Variants in UTS2B observed in about 807,000 individuals in gnomAD.
UTS2B encodes urotensin-2B.
Under a neutral mutation model 19.2 loss-of-function variants are expected in UTS2B, and 21 were observed. That is an observed-to-expected ratio of 1.09 (90% CI 0.78 to 1.58). UTS2B has a LOEUF of 1.58. UTS2B is among the 40% of genes most tolerant of loss of function. The pLI, the probability that UTS2B is intolerant of heterozygous loss-of-function variation, is 0.00. For synonymous variants in UTS2B, 57 were observed against 50.2 expected (o/e 1.14, Z -0.58); for missense variants, 138 against 130.3 (o/e 1.06, Z -0.29).
chr3:191,323,045 T>C (rs1013023439), intron 2 of UTS2B, among the ~76,000 whole-genome samples: 1 of 152,166 alleles, frequency 6.6e-6, no homozygotes, highest in African/African-American at 2.4e-5. Flanking sequence ...CTATCCAGAG[T>C]CCAAATGAAG....
At chr3:191,292,893 C>G (rs112830287) in intron 4 of UTS2B, among the ~76,000 whole-genome samples, 1 of 151,564 alleles carries the variant, frequency 6.6e-6, no homozygotes, top group African/African-American at 2.4e-5. Context: ...ATGCCTTTTC[C>G]CCTCTATTGA....
At chr3:191,339,269 A>G in the UTS2B span, among the ~76,000 whole-genome samples, 2 of 152,202 alleles carry the variant, frequency 1.3e-5, no homozygotes, top group African/African-American at 4.8e-5. Context: ...GGTCTCTTTC[A>G]GGTTCATATG....
the UTS2B span, among the ~76,000 whole-genome samples, chr3:191,344,524 A>G: frequency 6.6e-6 from 1 of 152,196 alleles, no homozygotes; most frequent in Admixed American, 6.5e-5. Context: ...ACGATGTTGG[A>G]TCGATAGAAC....
the UTS2B span, among the ~76,000 whole-genome samples, chr3:191,341,137 G>C: frequency 5.3e-5 from 8 of 152,116 alleles, no homozygotes; most frequent in Admixed American, 4.6e-4. Context: ...GTAAATTGCA[G>C]CACAGATTCT....
Position 191,330,525 on chromosome 3 carries a change from A to G in UTS2B, c.-776T>C, listed in dbSNP as rs1382558574. 1 of 152,020 alleles carries G rather than the reference A, an allele frequency of 6.6e-6. No individual in the cohort carries two copies. The highest frequency in any genetic ancestry group is 2.4e-5 in the African/African-American group (1 of 41,370). The allele number at this position is 152,020 out of a possible 1,614,324, so 9.4% of individuals were successfully genotyped here. A position where few individuals can be genotyped will look rare whatever the true frequency, so the allele number is the denominator to read the frequency against. ...GAGATCTTAGGTGCTGGATCGCCTT[A>G]TGCCTTGAGTTATCTTTGTTTATTC... On this transcript the variant is annotated 5_prime_UTR_variant, in exon 1 of 9. Coordinates refer to ENST00000340524, the MANE Select transcript of UTS2B (RefSeq NM_198152.5).
At chr3:191,306,238 A>G (rs1717136672) in intron 3 of UTS2B, among the ~76,000 whole-genome samples, 1 of 152,208 alleles carries the variant, frequency 6.6e-6, no homozygotes, top group Non-Finnish European at 1.5e-5. Flanking sequence ...ATAGTATTGA[A>G]TGTATACATT....
chr3:191,323,757 A>C (rs952721248), intron 2 of UTS2B, among the ~76,000 whole-genome samples: 1 of 152,220 alleles, frequency 6.6e-6, no homozygotes, highest in Non-Finnish European at 1.5e-5. Context: ...GTATAGGGTC[A>C]AGTGAGAGGC....
chr3:191,343,829 G>T, the UTS2B span, among the ~76,000 whole-genome samples: 5 of 152,304 alleles, frequency 3.3e-5, no homozygotes, highest in Non-Finnish European at 4.4e-5. Context: ...AGTACCAGTT[G>T]TATTTCAAGA....
At chr3:191,296,944 TTAAC>T (rs1399545129) in intron 4 of UTS2B, among the ~76,000 whole-genome samples, 6 of 152,118 alleles carry the variant, frequency 3.9e-5, no homozygotes, top group Non-Finnish European at 8.8e-5. Flanking sequence ...GATAGGCAAA[TTAAC>T]TAAAAACAGA....
intron 3 of UTS2B, among the ~76,000 whole-genome samples, chr3:191,312,775 G>C (rs554862739): frequency 3.9e-5 from 6 of 152,262 alleles, no homozygotes; most frequent in Admixed American, 1.3e-4. Flanking sequence ...TGGCTTTTGA[G>C]GCCCCCTCCT....
intron 4 of UTS2B, among the ~76,000 whole-genome samples, chr3:191,286,844 GAT>G (rs1716558069): frequency 6.7e-6 from 1 of 150,304 alleles, no homozygotes; most frequent in Non-Finnish European, 1.5e-5. Context: ...TTTTTGAAAA[GAT>G]AAGAAAAATC....
chr3:191,283,492 G>A (rs1347191638), intron 4 of UTS2B, among the ~76,000 whole-genome samples: 1 of 151,836 alleles, frequency 6.6e-6, no homozygotes, highest in East Asian at 1.9e-4. Flanking sequence ...ATCTACTACA[G>A]TTCAAAATTC....
chr3:191,326,789 A>C (rs1222856093), intron 2 of UTS2B, among the ~76,000 whole-genome samples: 1 of 152,216 alleles, frequency 6.6e-6, no homozygotes, highest in East Asian at 1.9e-4. Flanking sequence ...CTTTGCTAGA[A>C]GTTGCCTACT....
rs62617841 is a variant in UTS2B at position 191,328,956 on chromosome 3, C to T, written c.-664-247G>A. 9,171 of 152,262 alleles carry T rather than the reference C, an allele frequency of 0.06. 431 individuals are homozygous for T. The highest frequency in any genetic ancestry group is 0.19 in the East Asian group (994 of 5,168). 9.4% of individuals were successfully genotyped at this position (152,262 alleles called of 1,614,324 possible). On this transcript the variant is annotated intron_variant, in intron 1 of 8. Coordinates refer to ENST00000340524, the MANE Select transcript of UTS2B (RefSeq NM_198152.5). ...ACGTTGTATTTGGGGTTTTTATGGC[C>T]ATCTACCATCTCTCCTCTAATTCCG...
the UTS2B span, among the ~76,000 whole-genome samples, chr3:191,346,069 T>G: frequency 1.3e-5 from 2 of 152,238 alleles, no homozygotes; most frequent in Non-Finnish European, 2.9e-5. Context: ...CATATTTCTC[T>G]TCTTACATTG....
chr3:191,342,388 G>C, the UTS2B span, among the ~76,000 whole-genome samples: 1 of 152,046 alleles, frequency 6.6e-6, no homozygotes, highest in East Asian at 1.9e-4. Flanking sequence ...ACTCCTAATA[G>C]GAAGGAAAGT....
upstream of UTS2B, among the ~76,000 whole-genome samples, chr3:191,335,197 C>A (rs1430599028): frequency 6.6e-6 from 1 of 152,116 alleles, no homozygotes; most frequent in African/African-American, 2.4e-5. Context: ...GTTATGGAGA[C>A]CACTAAACTT....
chr3:191,337,517 G>C, the UTS2B span, among the ~76,000 whole-genome samples: 2 of 151,776 alleles, frequency 1.3e-5, no homozygotes, highest in Admixed American at 1.3e-4. Flanking sequence ...GCTAATTTTT[G>C]TATTTTTAGT....
At chr3:191,306,851 T>G (rs1271895887) in intron 3 of UTS2B, among the ~76,000 whole-genome samples, 1 of 152,136 alleles carries the variant, frequency 6.6e-6, no homozygotes, top group East Asian at 1.9e-4. Context: ...AGGCGGGTCT[T>G]GAACTCCTGA....
Sources: gnomAD v4.1 joint callset for allele counts (sites outside exome capture counted in the v4.1 genomes callset) on GRCh38, gnomAD v4.1.1 for gene constraint, MANE v1.5 for transcripts, NCBI Gene and HGNC (gene_info 2026-07-23, HGNC 2026-07-21) for gene names.